DPH6: variants seen among roughly 807,000 people sequenced by gnomAD.
DPH6 encodes the protein diphthamine biosynthesis 6, also known as diphthine--ammonia ligase.
Under a neutral mutation model 38.2 loss-of-function variants are expected in DPH6, and 33 were observed. The observed-to-expected ratio is 0.86, with a 90% CI of 0.65 to 1.15. DPH6 has a LOEUF of 1.15. Among genes scored for constraint, DPH6 ranks in the 50% most tolerant of loss-of-function variants. The pLI, the probability that DPH6 is intolerant of heterozygous loss-of-function variation, is 0.00. For missense variants in DPH6, 325 were observed against 320.0 expected, an observed-to-expected ratio of 1.02 and a Z score of -0.12; for synonymous variants, 108 against 103.0, an observed-to-expected ratio of 1.05 and a Z score of -0.30.
the DPH6 span, among the ~76,000 whole-genome samples, chr15:35,194,504 C>A: frequency 6.6e-6 from 1 of 152,176 alleles, no homozygotes; most frequent in African/African-American, 2.4e-5. Flanking sequence ...CATCAGAGCA[C>A]ACAATAGCTC....
intron 3 of DPH6, among the ~76,000 whole-genome samples, chr15:35,251,743 G>A (rs967871934): frequency 2.0e-5 from 3 of 152,160 alleles, no homozygotes; most frequent in African/African-American, 4.8e-5. Flanking sequence ...AATGCCTTGC[G>A]TACAGTTTAC....
intron 3 of DPH6, among the ~76,000 whole-genome samples, chr15:35,251,844 C>A (rs1034795434): frequency 1.3e-5 from 2 of 152,218 alleles, no homozygotes; most frequent in Admixed American, 1.3e-4. Flanking sequence ...TGTTACTATG[C>A]ATAAATAATA....
chr15:35,341,933 C>A (rs1257225004), intron 3 of DPH6, among the ~76,000 whole-genome samples: 1 of 152,158 alleles, frequency 6.6e-6, no homozygotes, highest in Non-Finnish European at 1.5e-5. Flanking sequence ...CTCATCTGGA[C>A]CATTTGTATT....
intron 3 of DPH6, among the ~76,000 whole-genome samples, chr15:35,344,398 T>C (rs1283604858): frequency 1.3e-5 from 2 of 151,986 alleles, no homozygotes; most frequent in Admixed American, 1.3e-4. Flanking sequence ...TACATAAGTA[T>C]ATGACCTGAA....
chr15:35,384,658 T>C (rs11852641), intron 6 of DPH6, among the ~76,000 whole-genome samples: 55,225 of 151,592 alleles, frequency 0.36, 11,976 homozygotes, highest in African/African-American at 0.62. Flanking sequence ...AGTGAAACTC[T>C]GTCTCAAAAA....
chr15:35,419,937 A>C (rs1175319499), intron 5 of DPH6, among the ~76,000 whole-genome samples: 4 of 152,194 alleles, frequency 2.6e-5, no homozygotes, highest in African/African-American at 4.8e-5. Flanking sequence ...GGCCAAAGGA[A>C]CCTAATAGAT....
In DPH6 at chr15:35,431,678, C is replaced by T. The variant is rs146841835; in HGVS notation, c.505+19007G>A. Among the ~76,000 whole-genome samples, 76 of 152,220 alleles carry T rather than the reference C, an allele frequency of 5.0e-4. 1 individual carries two copies. Among genetic ancestry groups the T allele is most frequent in the African/African-American group, 1.7e-3 (71 of 41,550 alleles). ...AAGAAAGAAATATAATGGGGACAAG[C>T]ATGTTGATGTTAGACATAAATTGAA... On this transcript the variant is annotated intron_variant, in intron 5 of 8. Transcript: ENST00000256538.
intron 5 of DPH6, among the ~76,000 whole-genome samples, chr15:35,413,198 T>A (rs1053265607): frequency 6.6e-6 from 1 of 151,708 alleles, no homozygotes; most frequent in Non-Finnish European, 1.5e-5. Flanking sequence ...TAGAGCATAA[T>A]CAAATTTCAT....
intron 3 of DPH6, among the ~76,000 whole-genome samples, chr15:35,474,020 A>G (rs28572712): frequency 0.078 from 11,836 of 151,658 alleles, 625 homozygotes; most frequent in African/African-American, 0.14. Context: ...TAAGAAATTG[A>G]CAATATTGGT....
At chr15:35,146,612 C>T in the DPH6 span, among the ~76,000 whole-genome samples, 1 of 152,100 alleles carries the variant, frequency 6.6e-6, no homozygotes, top group East Asian at 1.9e-4. Context: ...CCTTCTCTCT[C>T]CATTTTCCTC....
At chr15:35,477,514 G>C (rs907108706) in intron 3 of DPH6, among the ~76,000 whole-genome samples, 1 of 151,788 alleles carries the variant, frequency 6.6e-6, no homozygotes, top group African/African-American at 2.4e-5. Context: ...CATACACATG[G>C]ATAGTATGAT....
chr15:35,279,472 G>C (rs2051883190), intron 3 of DPH6, among the ~76,000 whole-genome samples: 1 of 152,074 alleles, frequency 6.6e-6, no homozygotes. Context: ...TTACAGGAGG[G>C]GCCTGGTGGG....
At chr15:35,495,201 T>C (rs144071846) in intron 3 of DPH6, among the ~76,000 whole-genome samples, 51 of 152,262 alleles carry the variant, frequency 3.3e-4, no homozygotes, top group African/African-American at 1.2e-3. Flanking sequence ...TAAAGTGGTA[T>C]TTATGTAAAA....
intron 6 of DPH6, among the ~76,000 whole-genome samples, chr15:35,393,231 T>C (rs1276017384): frequency 1.3e-5 from 2 of 152,064 alleles, no homozygotes; most frequent in Admixed American, 6.5e-5. Context: ...CAAGTAGCAA[T>C]GGGGATGGAG....
At chr15:35,508,745 C>T (rs1371357741) in intron 3 of DPH6, among the ~76,000 whole-genome samples, 1 of 152,094 alleles carries the variant, frequency 6.6e-6, no homozygotes, top group Non-Finnish European at 1.5e-5. Context: ...ATGTTAATAT[C>T]ATTCTGAGAA....
At chr15:35,222,554 C>T (rs1263876416) in intron 3 of DPH6, among the ~76,000 whole-genome samples, 4 of 152,074 alleles carry the variant, frequency 2.6e-5, no homozygotes, top group African/African-American at 9.7e-5. Context: ...GGTTTCAGGT[C>T]ATCGGTAGAT....
At chr15:35,442,829 T>C (rs552199463) in intron 5 of DPH6, among the ~76,000 whole-genome samples, 15 of 152,318 alleles carry the variant, frequency 9.8e-5, no homozygotes, top group South Asian at 8.3e-4. Flanking sequence ...TCTATAAAGA[T>C]ATGAAGACAC....
chr15:35,165,802 C>T, the DPH6 span, among the ~76,000 whole-genome samples: 2 of 151,890 alleles, frequency 1.3e-5, no homozygotes, highest in African/African-American at 4.8e-5. Flanking sequence ...TCTGAACAAC[C>T]GAAATTTCAC....
chr15:35,415,363 G>A (rs1455606526), intron 5 of DPH6, among the ~76,000 whole-genome samples: 1 of 151,918 alleles, frequency 6.6e-6, no homozygotes, highest in African/African-American at 2.4e-5. Flanking sequence ...CTATGTACGA[G>A]TCTGGAAGTA....
Sources: allele counts gnomAD v4.1 joint callset (sites outside exome capture counted in the v4.1 genomes callset), GRCh38; gene constraint gnomAD v4.1.1; transcripts MANE v1.5; gene names NCBI Gene and HGNC (gene_info 2026-07-23, HGNC 2026-07-21).